Variants in ACP7 observed in about 807,000 individuals in gnomAD.
ACP7 encodes acid phosphatase type 7.
In ACP7, 58 loss-of-function variants were observed where a neutral mutation model predicts 60.6. That is an observed-to-expected ratio of 0.96 (90% confidence interval 0.77 to 1.19). The LOEUF (loss-of-function observed/expected upper bound fraction) is 1.19. ACP7 is among the 50% of genes most tolerant of loss of function. The pLI, the probability that ACP7 is intolerant of heterozygous loss-of-function variation, is 0.00. For missense variants in ACP7, 574 were observed against 596.2 expected (o/e 0.96, Z 0.39); for synonymous variants, 237 against 232.6 (o/e 1.02, Z -0.17).
intron 1 of ACP7, 72 bp downstream of exon 1, chr19:39,084,472 A>G (rs2073117632): frequency 6.8e-6 from 1 of 146,606 alleles, no homozygotes; most frequent in Admixed American, 6.7e-5. Context: ...GCAGCTGGAG[A>G]CGGAGCTGGA....
intron 11 of ACP7, among the ~76,000 whole-genome samples, chr19:39,105,792 G>A (rs1006192415): frequency 2.0e-5 from 3 of 152,204 alleles, no homozygotes; most frequent in South Asian, 2.1e-4. Flanking sequence ...AATTACAGGC[G>A]TGAGCCACTG....
intron 2 of ACP7, among the ~76,000 whole-genome samples, chr19:39,093,289 C>G (rs1347740151): frequency 6.7e-6 from 1 of 150,298 alleles, no homozygotes; most frequent in African/African-American, 2.5e-5. Context: ...CTTGCTCTGT[C>G]ACCCAGGCTG....
Position 39,099,012 on chromosome 19 carries a change from C to A in ACP7, c.375C>A (p.Ala125=). The part of the protein sequence containing the change: ...QGWSRRFRFR[A]LKNGAHWSPR... Reference sequence around the variant, plus strand: ...GGAGCCGTCGGTTCCGCTTCAGGGCCCTCAAGAATGGGGCCCACTGGAGTC... The same window carrying A: ...GGAGCCGTCGGTTCCGCTTCAGGGCACTCAAGAATGGGGCCCACTGGAGTC... The change falls in exon 4 of 13, where the codon GCC becomes GCA. Residue 125 remains alanine (A), a synonymous_variant. Coordinates refer to ENST00000331256, the MANE Select transcript of ACP7 (RefSeq NM_001004318.3). 6.2e-7 allele frequency: 1 copy of A among 1,613,720 alleles called. No homozygotes were observed. Among genetic ancestry groups the A allele is most frequent in the East Asian group, 2.2e-5 (1 of 44,838 alleles).
Position 39,101,198 on chromosome 19 carries a change from T to C in ACP7, c.964T>C (p.Tyr322His), listed in dbSNP as rs2073340361. 5 of 1,614,032 alleles carry C rather than the reference T, an allele frequency of 3.1e-6. No individual in the cohort carries two copies. The highest frequency in any genetic ancestry group is 4.2e-6 in the Non-Finnish European group (5 of 1,180,026). Reference sequence around the variant, plus strand: ...GCTGTACGGGTTGGAGGATCTTTTCTACAAATATGGTGAGCGACCCTCAGG... The same window carrying C: ...GCTGTACGGGTTGGAGGATCTTTTCCACAAATATGGTGAGCGACCCTCAGG... ...GKLYGLEDLF[Y>H]KYGVDLQLWA... Residue 322 changes from tyrosine to histidine, a missense_variant, in exon 9 of 13, where the codon TAC (tyrosine) becomes CAC (histidine). Tyr to His is a moderately conservative substitution (Grantham distance 83). Transcript: ENST00000331256.
intron 2 of ACP7, among the ~76,000 whole-genome samples, chr19:39,092,932 T>C (rs2073220503): frequency 1.3e-5 from 2 of 150,948 alleles, no homozygotes. Context: ...TGTGTGCCAC[T>C]ACACCCAGCT....
rs2073333554 is a variant in ACP7 at position 39,100,835 on chromosome 19, G to T, written c.789G>T (p.Trp263Cys). 6.2e-7 allele frequency: 1 copy of T among 1,613,698 alleles called. No individual in the cohort carries two copies. Among genetic ancestry groups the T allele is most frequent in the Non-Finnish European group, 8.5e-7 (1 of 1,179,980 alleles). The change falls in exon 7 of 13, where the codon TGG (tryptophan) becomes TGT (cysteine). Residue 263 changes from tryptophan (W) to cysteine (C), a missense_variant. Trp to Cys is a radical substitution (Grantham distance 215). Transcript: ENST00000331256. ...ACTTGGTACAGAGGCAGTTTCGCTG[G>T]CTGGAGAGCGACCTCCAGGTAACCT... ...GRHLVQRQFR[W>C]LESDLQKANK...
At chr19:39,103,236 A>G (rs1311408503) in intron 11 of ACP7, among the ~76,000 whole-genome samples, 1 of 151,860 alleles carries the variant, frequency 6.6e-6, no homozygotes, top group African/African-American at 2.4e-5. Flanking sequence ...CTTCTGCCAC[A>G]TTTGTTCAGT....
At chr19:39,107,569 A>ACT (rs1354281610) in intron 12 of ACP7, among the ~76,000 whole-genome samples, 2 of 106,822 alleles carry the variant, frequency 1.9e-5, no homozygotes, top group African/African-American at 7.4e-5. Flanking sequence ...ACTGAGCAAG[A>ACT]CTCTGTCTCA....
chr19:39,098,182 C>T (rs1054571325), intron 2 of ACP7, among the ~76,000 whole-genome samples: 12 of 133,154 alleles, frequency 9.0e-5, no homozygotes, highest in African/African-American at 2.5e-4. Flanking sequence ...ACCTGCGAGG[C>T]GGCAGAGATT....
intron 4 of ACP7, 90 bp downstream of exon 4, chr19:39,099,232 GGGC>G: frequency 7.3e-7 from 1 of 1,361,306 alleles, no homozygotes; most frequent in Non-Finnish European, 9.5e-7. Context: ...CGCGGGTCGG[GGGC>G]GGTGCTAGGA....
intron 2 of ACP7, among the ~76,000 whole-genome samples, chr19:39,097,222 G>T (rs970070162): frequency 6.6e-6 from 1 of 152,052 alleles, no homozygotes; most frequent in African/African-American, 2.4e-5. Context: ...CAGTATGGGG[G>T]AAACCACCAC....
intron 11 of ACP7, among the ~76,000 whole-genome samples, chr19:39,105,266 C>T (rs550275550): frequency 3.9e-5 from 6 of 152,078 alleles, no homozygotes; most frequent in South Asian, 2.1e-4. Flanking sequence ...CTGCCCGCCT[C>T]GGCCTCCCAA....
chr19:39,109,331 C>T (rs539571553), intron 12 of ACP7, among the ~76,000 whole-genome samples: 7 of 152,202 alleles, frequency 4.6e-5, no homozygotes, highest in East Asian at 3.9e-4. Flanking sequence ...ACTCTGTTCT[C>T]ATGATGACTC....
Position 39,107,084 on chromosome 19 carries a change from G to A in ACP7, c.1251G>A (p.Gln417=). 1.2e-6 allele frequency: 2 copies of A among 1,613,756 alleles called. No individual in the cohort carries two copies. Among genetic ancestry groups the A allele is most frequent in the Non-Finnish European group, 1.7e-6 (2 of 1,179,854 alleles). The change falls in exon 12 of 13, where the codon CAG becomes CAA. Residue 417 remains glutamine (Q), a splice_region_variant and synonymous_variant. Coordinates refer to ENST00000331256, the MANE Select transcript of ACP7 (RefSeq NM_001004318.3). ...HIHIQQVSDD[Q]DGKIVDDVWV... Reference sequence around the variant, plus strand: ...ACATCCAGCAGGTGTCGGACGACCAGGTCAGTGAGGGGCAGGCCGAAGTCA... The same window carrying A: ...ACATCCAGCAGGTGTCGGACGACCAAGTCAGTGAGGGGCAGGCCGAAGTCA...
At chr19:39,103,228 T>C (rs1367767187) in intron 11 of ACP7, among the ~76,000 whole-genome samples, 3 of 152,140 alleles carry the variant, frequency 2.0e-5, no homozygotes, top group Non-Finnish European at 2.9e-5. Context: ...ACTTGTGTCT[T>C]CTGCCACATT....
chr19:39,087,845 G>C (rs1171417600), intron 2 of ACP7, among the ~76,000 whole-genome samples: 1 of 151,942 alleles, frequency 6.6e-6, no homozygotes, highest in Non-Finnish European at 1.5e-5. Flanking sequence ...TGTTGGCCAG[G>C]CTGGCCTCGA....
intron 2 of ACP7, among the ~76,000 whole-genome samples, chr19:39,092,155 C>G (rs897265941): frequency 1.3e-5 from 2 of 151,496 alleles, no homozygotes; most frequent in African/African-American, 4.9e-5. Flanking sequence ...GGTGGATCAC[C>G]TGAGGTCAGG....
At chr19:39,089,160 C>T (rs925737802) in intron 2 of ACP7, among the ~76,000 whole-genome samples, 2 of 152,042 alleles carry the variant, frequency 1.3e-5, no homozygotes, top group African/African-American at 4.8e-5. Flanking sequence ...AACTCCTGAC[C>T]TCAAGTAATC....
At chr19:39,087,783 A>G (rs537497944) in intron 2 of ACP7, among the ~76,000 whole-genome samples, 20 of 151,966 alleles carry the variant, frequency 1.3e-4, no homozygotes, top group East Asian at 7.7e-4. Flanking sequence ...ACAGGCATGC[A>G]CCACCACACC....
Sources: gnomAD v4.1 joint callset for allele counts (sites outside exome capture counted in the v4.1 genomes callset) on GRCh38, gnomAD v4.1.1 for gene constraint, MANE v1.5 for transcripts, NCBI Gene and HGNC (gene_info 2026-07-23, HGNC 2026-07-21) for gene names.